Variants in ALDH5A1 observed in about 807,000 individuals in gnomAD.
The protein encoded by ALDH5A1 is succinate-semialdehyde dehydrogenase, mitochondrial.
In ALDH5A1, 33 loss-of-function variants were observed where a neutral mutation model predicts 54.7. That is an observed-to-expected ratio of 0.60 (90% CI 0.46 to 0.81). The LOEUF (loss-of-function observed/expected upper bound fraction) is 0.81. Among genes scored for constraint, ALDH5A1 ranks in the 30% least tolerant of loss-of-function variants. The pLI, the probability that ALDH5A1 is intolerant of heterozygous loss-of-function variation, is 0.00. For synonymous variants in ALDH5A1, 294 were observed against 292.7 expected, an observed-to-expected ratio of 1.00 and a Z score of -0.05; for missense variants, 657 against 711.0, an observed-to-expected ratio of 0.92 and a Z score of 0.86.
chr6:24,502,659 C>T, intron 2 of ALDH5A1, 53 bp downstream of exon 2: 4 of 1,448,796 alleles, frequency 2.8e-6, no homozygotes, highest in Non-Finnish European at 1.9e-6. Context: ...GGAATTTTTA[C>T]ACTAAACTTG....
Position 24,527,139 on chromosome 6 carries a change from G to A in ALDH5A1, c.1174-858G>A, listed in dbSNP as rs201960110. ...CTTCCTCAGCAACACCGGAAGTGGAGAAGTGCACTCAAAGTTCTGAAAGTT... is the reference window on the plus strand; with the variant it reads ...CTTCCTCAGCAACACCGGAAGTGGAAAAGTGCACTCAAAGTTCTGAAAGTT... On this transcript the variant is annotated intron_variant, in intron 7 of 9. Transcript: ENST00000357578. Among the ~76,000 whole-genome samples, 148 of 151,752 alleles carry A rather than the reference G, an allele frequency of 9.8e-4. 3 individuals are homozygous for A. In the South Asian group the frequency reaches 0.014, roughly 14 times the overall value.
chr6:24,523,852 T>C (rs1759750034), intron 7 of ALDH5A1, among the ~76,000 whole-genome samples: 3 of 152,192 alleles, frequency 2.0e-5, no homozygotes, highest in Non-Finnish European at 1.5e-5. Flanking sequence ...AGGAAAGATT[T>C]GTTTGTTTAA....
chr6:24,532,317 A>G (rs148562880), intron 9 of ALDH5A1, 140 bp downstream of exon 9: 14 of 864,200 alleles, frequency 1.6e-5, no homozygotes, highest in Non-Finnish European at 2.1e-5. Flanking sequence ...CAAGTGGTGG[A>G]ATGGATTTGG....
intron 7 of ALDH5A1, among the ~76,000 whole-genome samples, chr6:24,523,780 G>C (rs1314528777): frequency 6.6e-6 from 1 of 152,152 alleles, no homozygotes; most frequent in Non-Finnish European, 1.5e-5. Context: ...TATCCCAGCC[G>C]GGGGTGCAGA....
intron 9 of ALDH5A1, among the ~76,000 whole-genome samples, 178 bp from the exon 10 acceptor site, chr6:24,533,329 T>C (rs904131742): frequency 2.0e-5 from 3 of 152,122 alleles, no homozygotes; most frequent in Admixed American, 2.0e-4. Context: ...AAGAGGTGAC[T>C]TTCAAAGGTT....
rs1759857504 is a variant in ALDH5A1 at position 24,528,126 on chromosome 6, A to G, written c.1303A>G (p.Thr435Ala). The change falls in exon 8 of 10, where the codon ACT (threonine) becomes GCT (alanine). Residue 435 changes from threonine (T) to alanine (A), a missense_variant. Around this residue, in one of 2 missense-constraint regions of ALDH5A1, gnomAD observed 425 missense variants for 516.4 expected, o/e 0.82. Transcript: ENST00000357578. ...CAATGTCACCCAGGACATGCTGTGC[A>G]CTCATGAAGAGACTTTCGGGCCTCT... is the stretch of plus-strand genomic sequence containing the variant. The part of the protein sequence containing the change: ...LCNVTQDMLC[T>A]HEETFGPLAP... The G allele has an allele frequency of 6.2e-7, 1 of 1,613,886 alleles. No homozygotes were observed. The highest frequency in any genetic ancestry group is 8.5e-7 in the Non-Finnish European group (1 of 1,179,932).
chr6:24,511,840 G>A (rs1416815445), intron 4 of ALDH5A1: 1 of 560,788 alleles, frequency 1.8e-6, no homozygotes, highest in Non-Finnish European at 3.2e-6. Context: ...GTAAATCAGG[G>A]ATTTCTTCTT....
rs544331560 is a variant in ALDH5A1 at position 24,518,682 on chromosome 6, T to C, written c.871-1719T>C. On this transcript the variant is annotated intron_variant, in intron 5 of 9. Transcript: ENST00000357578. This position sits in a 1 kb window ranked among gnomAD's most constrained non-coding sequence, Gnocchi z 4.2. ...GTAATGTTTCAGAGAAGATTGTTAC[T>C]ACCATTTGATTGCTGGAATATTAAC... is the stretch of plus-strand genomic sequence containing the variant. 5.5e-4 allele frequency among the ~76,000 whole-genome samples: 84 copies of C among 152,372 alleles called. No homozygotes were observed. The highest frequency in any genetic ancestry group is 3.4e-3 in the Middle Eastern group (1 of 294).
Position 24,520,860 on chromosome 6 carries a change from C to T in ALDH5A1, c.1014+316C>T, listed in dbSNP as rs114916479. 5.9e-3 allele frequency among the ~76,000 whole-genome samples: 895 copies of T among 152,334 alleles called. 4 individuals are homozygous for T. The highest frequency in any genetic ancestry group is 9.2e-3 in the Non-Finnish European group (626 of 68,024). On this transcript the variant is annotated intron_variant, in intron 6 of 9. Coordinates refer to ENST00000357578, the MANE Select transcript of ALDH5A1 (RefSeq NM_001080.3). ...CCCTGGCTTCAAATAATTTTCTGAA[C>T]AGCAGATGTCCTTTAGTCAAATTGT...
At chr6:24,511,828 A>G in intron 4 of ALDH5A1, 1 of 525,008 alleles carries the variant, frequency 1.9e-6, no homozygotes, top group Non-Finnish European at 3.4e-6. Context: ...ATTCTTTTTC[A>G]GGTAAATCAG....
At chr6:24,497,188 G>C (rs541364320) in intron 1 of ALDH5A1, among the ~76,000 whole-genome samples, 1 of 152,186 alleles carries the variant, frequency 6.6e-6, no homozygotes, top group Non-Finnish European at 1.5e-5. Context: ...TGTCGCTGCT[G>C]GGTGGGTGGG....
chr6:24,514,217 GCCTC>G (rs1448654652), intron 4 of ALDH5A1, among the ~76,000 whole-genome samples: 15 of 152,250 alleles, frequency 9.9e-5, no homozygotes, highest in African/African-American at 3.4e-4. Flanking sequence ...TCTCTGCTAT[GCCTC>G]CCTTTCTTCA....
intron 5 of ALDH5A1, among the ~76,000 whole-genome samples, chr6:24,517,230 T>G (rs1759592678): frequency 1.3e-5 from 2 of 152,202 alleles, no homozygotes; most frequent in African/African-American, 4.8e-5. Flanking sequence ...GATCCGGAAC[T>G]CCTGGCCTCA....
intron 4 of ALDH5A1, among the ~76,000 whole-genome samples, chr6:24,508,870 G>T (rs1198834532): frequency 6.6e-6 from 1 of 152,184 alleles, no homozygotes; most frequent in Non-Finnish European, 1.5e-5. Flanking sequence ...TTGATCATTA[G>T]TGATGTTGAG....
At chr6:24,527,862 A>G in intron 7 of ALDH5A1, 135 bp from the exon 8 acceptor site, 1 of 956,228 alleles carries the variant, frequency 1.0e-6, no homozygotes, top group Non-Finnish European at 1.6e-6. Context: ...CTACAAAAGG[A>G]AACCAGCATG....
rs754410581 is a variant in ALDH5A1 at position 24,494,980 on chromosome 6, C to T, written c.-17C>T. The stretch of plus-strand genomic sequence containing the variant: ...GCGCCCGCTTGCCTGTTTCCTGTCG[C>T]CGTCGTTGCCCGGGCCATGGCGACC... On this transcript the variant is annotated 5_prime_UTR_variant, in exon 1 of 10. Transcript: ENST00000357578. 1.5e-6 allele frequency: 2 copies of T among 1,311,254 alleles called. No homozygotes were observed. Among genetic ancestry groups the T allele is most frequent in the Admixed American group, 6.2e-5 (2 of 32,124 alleles). 81.2% of individuals were successfully genotyped at this position (1,311,254 alleles called of 1,614,324 possible). A position where few individuals can be genotyped will look rare whatever the true frequency, so the allele number is the denominator to read the frequency against.
At chr6:24,496,640 A>G (rs553781278) in intron 1 of ALDH5A1, among the ~76,000 whole-genome samples, 1 of 152,266 alleles carries the variant, frequency 6.6e-6, no homozygotes, top group Admixed American at 6.5e-5. Context: ...TTTTAGACTC[A>G]TGGAGTCTGA....
rs1214819272 is a variant in ALDH5A1, at chr6:24,508,361, C to CAAAAAAAAAAAAAAA, written c.726+3389_726+3403dup. 4.1e-3 allele frequency among the ~76,000 whole-genome samples: 54 copies of CAAAAAAAAAAAAAAA among 13,062 alleles called. 3 individuals are homozygous for CAAAAAAAAAAAAAAA. Among genetic ancestry groups the CAAAAAAAAAAAAAAA allele is most frequent in the East Asian group, 0.015 (9 of 616 alleles). 8.6% of individuals were successfully genotyped at this position (13,062 alleles called of 152,430 possible). A position where few individuals can be genotyped will look rare whatever the true frequency, so the allele number is the denominator to read the frequency against. On this transcript the variant is annotated intron_variant, in intron 4 of 9. Transcript: ENST00000357578. ...AGGTGACAGAGCAAGACTCCATCTC[C>CAAAAAAAAAAAAAAA]AAAAAAAAAAAAAAAAAAAAAAAAA...
chr6:24,524,760 G>C (rs146546887), intron 7 of ALDH5A1, among the ~76,000 whole-genome samples: 139 of 152,322 alleles, frequency 9.1e-4, no homozygotes, highest in African/African-American at 3.1e-3. Context: ...AAGGCAATTT[G>C]GGTCTAGGCC....
Sources: allele counts gnomAD v4.1 joint callset (sites outside exome capture counted in the v4.1 genomes callset), GRCh38; gene constraint gnomAD v4.1.1; regional missense constraint gnomAD v4.1.1; non-coding constraint Gnocchi (gnomAD v3.1); transcripts MANE v1.5; gene names NCBI Gene and HGNC (gene_info 2026-07-23, HGNC 2026-07-21).